Variants in DRC7 observed in about 807,000 individuals in gnomAD.
The protein encoded by DRC7 is dynein regulatory complex subunit 7, also known as coiled-coil domain containing 135.
DRC7 carries 80 observed loss-of-function variants against 104.4 expected under a neutral mutation model. The observed-to-expected ratio is 0.77, with a 90% CI of 0.64 to 0.92. DRC7 has a LOEUF of 0.92. Among genes scored for constraint, DRC7 ranks in the 40% least tolerant of loss-of-function variants. The probability of loss-of-function intolerance (pLI) is 0.00; values close to 1 mark genes in which losing one functional copy is unlikely to be tolerated. For synonymous variants in DRC7, 405 were observed against 447.3 expected (o/e 0.91, Z 1.19); for missense variants, 1,034 against 1,141.1 (o/e 0.91, Z 1.35).
chr16:57,731,625 G>T lies in DRC7; in HGVS notation c.*367G>T. On this transcript the variant is annotated 3_prime_UTR_variant, in exon 19 of 19. Coordinates refer to ENST00000360716, the MANE Select transcript of DRC7 (RefSeq NM_001289162.2). The stretch of plus-strand genomic sequence containing the variant: ...TCTGCAGATGGTCCCACAGCCATCT[G>T]CAAACAACTGGTTATATCTCAATGT... 3.7e-6 allele frequency: 1 copy of T among 267,614 alleles called. No individual in the cohort carries two copies. Among genetic ancestry groups the T allele is most frequent in the Non-Finnish European group, 7.2e-6 (1 of 138,652 alleles). 16.6% of individuals were successfully genotyped at this position (267,614 alleles called of 1,614,324 possible). A position where few individuals can be genotyped will look rare whatever the true frequency, so the allele number is the denominator to read the frequency against.
intron 14 of DRC7, 154 bp downstream of exon 14, chr16:57,726,437 C>G (rs180893398): frequency 3.8e-4 from 250 of 663,048 alleles, no homozygotes; most frequent in East Asian, 1.0e-3. Flanking sequence ...AAGTTCCCAT[C>G]TGGGGACCCT....
At position 57,731,227 on chromosome 16, in the gene DRC7, G is replaced by A. The variant is rs143854478; in HGVS notation, c.2594G>A (p.Arg865His). Residue 865 changes from arginine to histidine, a missense_variant, in exon 19 of 19, where the codon CGC becomes CAC. By Grantham distance (29) the Arg-to-His change is conservative. Coordinates refer to ENST00000360716, the MANE Select transcript of DRC7 (RefSeq NM_001289162.2). Reference protein sequence around the residue: ...ALEEKLYKDPRLGELQKIFA With the variant: ...ALEEKLYKDPHLGELQKIFA Reference sequence around the variant, plus strand: ...GAGGAAAAGCTCTACAAGGACCCACGCCTGGGGGAGCTCCAGAAAATATTC... The same window carrying A: ...GAGGAAAAGCTCTACAAGGACCCACACCTGGGGGAGCTCCAGAAAATATTC... 2.0e-5 allele frequency: 32 copies of A among 1,613,634 alleles called. No individual in the cohort carries two copies. The highest frequency in any genetic ancestry group is 2.5e-5 in the Non-Finnish European group (30 of 1,179,944).
intron 7 of DRC7, 44 bp downstream of exon 7, chr16:57,705,078 A>G (rs1238250252): frequency 1.3e-6 from 2 of 1,589,032 alleles, no homozygotes; most frequent in African/African-American, 1.3e-5. Context: ...CTATCGAGAA[A>G]GGACTGCTAG....
intron 12 of DRC7, among the ~76,000 whole-genome samples, chr16:57,723,362 G>A (rs3809609): frequency 0.16 from 24,692 of 152,160 alleles, 2,132 homozygotes; most frequent in East Asian, 0.28. Flanking sequence ...GAAAGCTAAA[G>A]GGGGCGCCAC....
At chr16:57,713,414 C>T (rs567392091) in intron 8 of DRC7, among the ~76,000 whole-genome samples, 1 of 152,270 alleles carries the variant, frequency 6.6e-6, no homozygotes, top group Admixed American at 6.5e-5. Context: ...TGAAGCCCTG[C>T]TATTAGATGA....
At chr16:57,730,831 C>A (rs924580753) in intron 17 of DRC7, 100 bp from the exon 18 acceptor site, 24 of 1,329,086 alleles carry the variant, frequency 1.8e-5, no homozygotes, top group Non-Finnish European at 2.4e-5. Flanking sequence ...CTGGGGCCAA[C>A]CGTCATGGTG....
chr16:57,704,746 G>T (rs551726901), intron 6 of DRC7, 130 bp from the exon 7 acceptor site: 9 of 998,724 alleles, frequency 9.0e-6, no homozygotes, highest in Non-Finnish European at 1.2e-5. Flanking sequence ...AGCCAGAAAG[G>T]CCACAGGCTA....
chr16:57,700,374 C>T lies in DRC7; in HGVS notation c.504+104C>T, dbSNP rs555499787. On this transcript the variant is annotated intron_variant, in intron 5 of 18. Transcript: ENST00000360716. ...CCAAAGAATGGACTTAGAGGCCGGG[C>T]GTGGTAGCTCATGCCTGTAATCCCA... 56 of 1,417,586 alleles carry T rather than the reference C, an allele frequency of 4.0e-5. No individual in the cohort carries two copies. The East Asian group carries it at 6.0e-4, about 15-fold the overall frequency. The allele number at this position is 1,417,586 out of a possible 1,614,324, so 87.8% of individuals were successfully genotyped here. A position where few individuals can be genotyped will look rare whatever the true frequency, so the allele number is the denominator to read the frequency against.
At position 57,722,996 on chromosome 16, in the gene DRC7, C is replaced by A; in HGVS notation, c.1409-6C>A. ...TGGCTGCGGCAAGTGTCCATCGGCC[C>A]CACAGGTACCAATATTTTGGAGATA... is the stretch of plus-strand genomic sequence containing the variant. On this transcript the variant is annotated splice_region_variant and splice_polypyrimidine_tract_variant and intron_variant, in intron 11 of 18. Coordinates refer to ENST00000360716, the MANE Select transcript of DRC7 (RefSeq NM_001289162.2). 6.2e-7 allele frequency: 1 copy of A among 1,613,582 alleles called. No individual in the cohort carries two copies. The highest frequency in any genetic ancestry group is 8.5e-7 in the Non-Finnish European group (1 of 1,179,872).
At chr16:57,725,324 C>T (rs1289338842) in intron 13 of DRC7, 1 of 159,236 alleles carries the variant, frequency 6.3e-6, no homozygotes, top group African/African-American at 2.4e-5. Context: ...TCAATTATCT[C>T]CACCTGGTCC....
intron 15 of DRC7, 112 bp downstream of exon 15, chr16:57,727,054 G>A (rs1241557802): frequency 5.6e-6 from 4 of 717,516 alleles, no homozygotes; most frequent in South Asian, 1.7e-5. Context: ...TCTACATCCC[G>A]GGCTCAGGTG....
Position 57,731,003 on chromosome 16 carries a change from G to A in DRC7, c.2464G>A (p.Asp822Asn). The A allele has an allele frequency of 6.2e-7, 1 of 1,613,674 alleles. No individual in the cohort carries two copies. Among genetic ancestry groups the A allele is most frequent in the South Asian group, 1.1e-5 (1 of 91,086 alleles). Residue 822 changes from aspartate (D) to asparagine (N), a missense_variant, in exon 18 of 19, where the codon GAC becomes AAC. Transcript: ENST00000360716. ...NQVTLTPEDE[D>N]LYLSYCSQAM... Reference sequence around the variant, plus strand: ...GGTGACGCTGACACCCGAGGATGAAGACCTGTACCTGAGTTACTGCTCTCA... The same window carrying A: ...GGTGACGCTGACACCCGAGGATGAAAACCTGTACCTGAGTTACTGCTCTCA...
chr16:57,714,944 G>A, intron 8 of DRC7: 1 of 338,462 alleles, frequency 3.0e-6, no homozygotes. Context: ...TGTGACCTGA[G>A]AATGCTAATT....
At chr16:57,706,241 C>T (rs2048724825) in intron 7 of DRC7, among the ~76,000 whole-genome samples, 1 of 142,382 alleles carries the variant, frequency 7.0e-6, no homozygotes, top group Non-Finnish European at 1.5e-5. Flanking sequence ...CCCACCCACC[C>T]TCCCATCCGT....
At position 57,697,938 on chromosome 16, in the gene DRC7, A is replaced by T. The variant is rs1201628704; in HGVS notation, c.-12A>T. 6 of 1,610,372 alleles carry T rather than the reference A, an allele frequency of 3.7e-6. No homozygotes were observed. The highest frequency in any genetic ancestry group is 2.7e-5 in the African/African-American group (2 of 74,818). On this transcript the variant is annotated 5_prime_UTR_variant, in exon 3 of 19. Coordinates refer to ENST00000360716, the MANE Select transcript of DRC7 (RefSeq NM_001289162.2). ...AGACATTCCATCTCCAGACACCCAG[A>T]GACGCTCCAGAATGGAGGTCCTGAG...
intron 17 of DRC7, 34 bp downstream of exon 17, chr16:57,728,618 T>A (rs758942128): frequency 9.9e-6 from 15 of 1,511,106 alleles, no homozygotes; most frequent in Non-Finnish European, 1.3e-5. Context: ...GAGGGGGGGA[T>A]CTCAGCATCT....
chr16:57,721,073 G>C (rs1339438125), intron 9 of DRC7, among the ~76,000 whole-genome samples: 1 of 152,062 alleles, frequency 6.6e-6, no homozygotes, highest in Non-Finnish European at 1.5e-5. Flanking sequence ...AAATCAACTG[G>C]GTGTGGTAGG....
intron 13 of DRC7, 119 bp from the exon 14 acceptor site, chr16:57,725,949 C>T (rs536831784): frequency 2.3e-6 from 2 of 871,862 alleles, no homozygotes; most frequent in South Asian, 1.6e-5. Context: ...ACGTGAATCG[C>T]CAAACGACCC....
rs563210584 is a variant in DRC7, at chr16:57,725,455, A to G, written c.1759-613A>G. ...CTGGTGTCAGACTGTGCCCTCAGCC[A>G]TGGGGCCAAGGATGTGTTACTTCCT... On this transcript the variant is annotated intron_variant, in intron 13 of 18. Coordinates refer to ENST00000360716, the MANE Select transcript of DRC7 (RefSeq NM_001289162.2). The G allele has an allele frequency of 4.5e-4, 70 of 155,874 alleles. 1 individual carries two copies. In the South Asian group the frequency reaches 0.013, roughly 29 times the overall value. 9.7% of individuals were successfully genotyped at this position (155,874 alleles called of 1,614,324 possible). A position where few individuals can be genotyped will look rare whatever the true frequency, so the allele number is the denominator to read the frequency against.
Sources: gnomAD v4.1 joint callset for allele counts (sites outside exome capture counted in the v4.1 genomes callset) on GRCh38, gnomAD v4.1.1 for gene constraint, MANE v1.5 for transcripts, NCBI Gene and HGNC (gene_info 2026-07-23, HGNC 2026-07-21) for gene names.